The following MOB3B variants were observed in gnomAD, a reference collection of about 807,000 sequenced individuals.
MOB3B encodes the protein MOB kinase activator-like 2B.
Under a neutral mutation model 18.7 loss-of-function variants are expected in MOB3B, and 7 were observed. That is an observed-to-expected ratio of 0.37 (90% CI 0.21 to 0.70). The LOEUF (loss-of-function observed/expected upper bound fraction) is 0.70. MOB3B is among the 30% of genes least tolerant of loss of function. MOB3B has a pLI of 0.52. For synonymous variants in MOB3B, 111 were observed against 99.9 expected (o/e 1.11, Z -0.66); for missense variants, 253 against 281.3 (o/e 0.90, Z 0.72).
intron 1 of MOB3B, among the ~76,000 whole-genome samples, chr9:27,496,653 G>A (rs1157152143): frequency 6.6e-6 from 1 of 152,198 alleles, no homozygotes; most frequent in Admixed American, 6.5e-5. Flanking sequence ...AATTAGGTGT[G>A]TTTTAAAATT....
chr9:27,480,526 T>A (rs1819633967), intron 1 of MOB3B, among the ~76,000 whole-genome samples: 1 of 152,152 alleles, frequency 6.6e-6, no homozygotes, highest in Non-Finnish European at 1.5e-5. Flanking sequence ...GGTCTTGATC[T>A]CCTGACCTTG....
chr9:27,408,752 C>A (rs1161558031), intron 2 of MOB3B, among the ~76,000 whole-genome samples: 2 of 152,122 alleles, frequency 1.3e-5, no homozygotes, highest in Non-Finnish European at 2.9e-5. Flanking sequence ...GCGTTATTGC[C>A]AGGGAATACA....
At chr9:27,455,110 C>A in intron 2 of MOB3B, 23 bp downstream of exon 2, 1 of 1,613,632 alleles carries the variant, frequency 6.2e-7, no homozygotes, top group Non-Finnish European at 8.5e-7. Flanking sequence ...GACAAAAAAA[C>A]TGAGAGCTGG....
intron 3 of MOB3B, among the ~76,000 whole-genome samples, chr9:27,343,063 G>A (rs1304683700): frequency 6.6e-6 from 1 of 151,996 alleles, no homozygotes; most frequent in East Asian, 1.9e-4. Context: ...GGGGAAAAGA[G>A]ATCAGATTGT....
At chr9:27,448,658 G>A (rs961013456) in intron 2 of MOB3B, among the ~76,000 whole-genome samples, 6 of 152,120 alleles carry the variant, frequency 3.9e-5, no homozygotes, top group Non-Finnish European at 7.4e-5. Flanking sequence ...ATTTGGGGTG[G>A]GACACAGCCA....
intron 1 of MOB3B, among the ~76,000 whole-genome samples, chr9:27,527,115 T>C (rs957458633): frequency 6.6e-6 from 1 of 152,236 alleles, no homozygotes; most frequent in Non-Finnish European, 1.5e-5. Flanking sequence ...TTTGGGAAGA[T>C]TTTTAATTCT....
chr9:27,403,472 C>T (rs1268859729), intron 2 of MOB3B, among the ~76,000 whole-genome samples: 1 of 147,018 alleles, frequency 6.8e-6, no homozygotes, highest in African/African-American at 2.5e-5. Flanking sequence ...CTAAAGTTAT[C>T]TCTATCTCCT....
rs74178386 is a variant in MOB3B at position 27,405,093 on chromosome 9, C to CTTTTTT, written c.419-45863_419-45858dup. ...AGAAATATCTATTCAGAACCTTTGT[C>CTTTTTT]TTTTTTTTTTTTTTTTTTTTTTTTT... On this transcript the variant is annotated intron_variant, in intron 2 of 3. Coordinates refer to ENST00000262244, the MANE Select transcript of MOB3B (RefSeq NM_024761.5). Among the ~76,000 whole-genome samples, 77 of 48,424 alleles carry CTTTTTT rather than the reference C, an allele frequency of 1.6e-3. 3 individuals are homozygous for CTTTTTT. Among genetic ancestry groups the CTTTTTT allele is most frequent in the Non-Finnish European group, 1.8e-3 (53 of 28,726 alleles). 31.8% of individuals were successfully genotyped at this position (48,424 alleles called of 152,430 possible).
At chr9:27,414,831 A>C (rs1278812732) in intron 2 of MOB3B, among the ~76,000 whole-genome samples, 1 of 152,136 alleles carries the variant, frequency 6.6e-6, no homozygotes, top group Non-Finnish European at 1.5e-5. Flanking sequence ...CCCGTGAGAC[A>C]GTTTAGCTGA....
At chr9:27,353,229 G>C (rs758477786) in intron 3 of MOB3B, among the ~76,000 whole-genome samples, 1 of 152,166 alleles carries the variant, frequency 6.6e-6, no homozygotes, top group Non-Finnish European at 1.5e-5. Flanking sequence ...GAACATTCTC[G>C]AGTCTCCTCC....
rs553865943 is a variant in MOB3B, at chr9:27,344,816, G to A, written c.622-14200C>T. On this transcript the variant is annotated intron_variant, in intron 3 of 3. Coordinates refer to ENST00000262244, the MANE Select transcript of MOB3B (RefSeq NM_024761.5). ...TTCTGGATGTGCTGTGAGCACTCTG[G>A]TCCTTTCCACCAGTTTCCCAGAGCA... Among the ~76,000 whole-genome samples the A allele has an allele frequency of 3.9e-5, 6 of 152,344 alleles. No individual in the cohort carries two copies. The South Asian group carries it at 1.2e-3, about 32-fold the overall frequency.
At chr9:27,441,105 T>C (rs541705916) in intron 2 of MOB3B, among the ~76,000 whole-genome samples, 1 of 152,140 alleles carries the variant, frequency 6.6e-6, no homozygotes, top group Non-Finnish European at 1.5e-5. Context: ...TAATTCTCCA[T>C]TACTGGCCAC....
At chr9:27,515,841 C>T (rs1187734299) in intron 1 of MOB3B, among the ~76,000 whole-genome samples, 1 of 152,158 alleles carries the variant, frequency 6.6e-6, no homozygotes, top group Non-Finnish European at 1.5e-5. Flanking sequence ...TGTGTCTCCC[C>T]CAAAAATATA....
chr9:27,375,512 A>G (rs376310313), intron 2 of MOB3B, among the ~76,000 whole-genome samples: 1 of 152,212 alleles, frequency 6.6e-6, no homozygotes, highest in South Asian at 2.1e-4. Context: ...CTACATGGAC[A>G]TTGCTAAATT....
intron 2 of MOB3B, among the ~76,000 whole-genome samples, chr9:27,382,939 CAAAT>C (rs1821599917): frequency 6.6e-6 from 1 of 151,778 alleles, no homozygotes; most frequent in South Asian, 2.1e-4. Flanking sequence ...AATGATGAAA[CAAAT>C]AAAACTAACA....
intron 1 of MOB3B, among the ~76,000 whole-genome samples, chr9:27,482,300 A>G (rs2131478936): frequency 3.2e-5 from 1 of 31,462 alleles, no homozygotes; most frequent in East Asian, 3.8e-3. Context: ...CTCAAAACTC[A>G]TAATAATGTC....
At position 27,524,272 on chromosome 9, in the gene MOB3B, T is replaced by G. The variant is rs1166000907; in HGVS notation, c.-199+5283A>C. On this transcript the variant is annotated intron_variant, in intron 1 of 3. Transcript: ENST00000262244. ...AGATATTCAGGTATATAAAGGCACA[T>G]GAAGGAAAACTCAAAACATCATTGT... 2.6e-6 allele frequency: 4 copies of G among 1,518,506 alleles called. No homozygotes were observed. The Admixed American group carries it at 6.1e-5, about 23-fold the overall frequency. 94.1% of individuals were successfully genotyped at this position (1,518,506 alleles called of 1,614,324 possible). A position where few individuals can be genotyped will look rare whatever the true frequency, so the allele number is the denominator to read the frequency against.
intron 3 of MOB3B, among the ~76,000 whole-genome samples, chr9:27,351,258 G>A (rs1797582865): frequency 1.5e-5 from 2 of 136,072 alleles, no homozygotes; most frequent in Non-Finnish European, 3.2e-5. Context: ...CGGTTGTCTT[G>A]GATGAAAGAT....
chr9:27,426,561 C>T (rs1822336258), intron 2 of MOB3B, among the ~76,000 whole-genome samples: 1 of 152,218 alleles, frequency 6.6e-6, no homozygotes. Context: ...CTGAAGCTCG[C>T]TCCAGAGCGT....
Sources: allele counts gnomAD v4.1 joint callset (sites outside exome capture counted in the v4.1 genomes callset), GRCh38; gene constraint gnomAD v4.1.1; transcripts MANE v1.5; gene names NCBI Gene and HGNC (gene_info 2026-07-23, HGNC 2026-07-21).